Variants in MED17 observed in about 807,000 individuals in gnomAD.
MED17 encodes the protein mediator complex subunit 17, also known as mediator of RNA polymerase II transcription subunit 17.
In MED17, 49 loss-of-function variants were observed where a neutral mutation model predicts 80.8. The observed-to-expected ratio is 0.61, with a 90% CI of 0.48 to 0.77. MED17 has a LOEUF of 0.77. Among genes scored for constraint, MED17 ranks in the 30% least tolerant of loss-of-function variants. MED17 has a pLI of 0.00. For missense variants in MED17, 718 were observed against 787.0 expected, an observed-to-expected ratio of 0.91 and a Z score of 1.05; for synonymous variants, 281 against 280.4, an observed-to-expected ratio of 1.00 and a Z score of -0.02.
At chr11:93,792,507 T>C (rs1202601571) in intron 3 of MED17, among the ~76,000 whole-genome samples, 5 of 152,228 alleles carry the variant, frequency 3.3e-5, no homozygotes, top group Non-Finnish European at 5.9e-5. Context: ...TTTGATCACA[T>C]TGTTTTTAAT....
At chr11:93,808,419 C>A (rs928596488) in intron 10 of MED17, 11 of 147,630 alleles carry the variant, frequency 7.5e-5, no homozygotes, top group African/African-American at 2.7e-4. Context: ...CCCAGCTCTA[C>A]GACAAACTTG....
At position 93,784,534 on chromosome 11, in the gene MED17, G is replaced by T. The variant is rs375233373; in HGVS notation, c.21G>T (p.Val7=). 8.1e-6 allele frequency: 13 copies of T among 1,610,828 alleles called. No homozygotes were observed. Among genetic ancestry groups the T allele is most frequent in the African/African-American group, 5.3e-5 (4 of 74,908 alleles). The part of the protein sequence containing the change: MSGVRA[V]RISIESACEK... ...CCAGCATGTCCGGGGTGCGCGCAGT[G>T]CGGATCAGCATCGAATCGGCCTGCG... The change falls in exon 1 of 12, where the codon GTG becomes GTT. Residue 7 remains valine, a synonymous_variant. Transcript: ENST00000251871.
At chr11:93,808,584 TTC>T (rs1242238163) in intron 10 of MED17, 1 of 147,630 alleles carries the variant, frequency 6.8e-6, no homozygotes, top group Non-Finnish European at 1.5e-5. Context: ...CTATTTTTTT[TTC>T]ACATTAAAAA....
rs1944067441 is a variant in MED17, at chr11:93,809,774, G to A, written c.1642G>A (p.Val548Ile). The A allele has an allele frequency of 1.2e-6, 2 of 1,614,162 alleles. No homozygotes were observed. Among genetic ancestry groups the A allele is most frequent in the African/African-American group, 1.3e-5 (1 of 75,044 alleles). ...QQLAKVMGWQ[V>I]LSFSNHVGLG... ...ACTCGCCAAGGTTATGGGCTGGCAA[G>A]TACTGAGCTTCAGTAATCATGTGGG... The change falls in exon 11 of 12, where the codon GTA (valine) becomes ATA (isoleucine). Residue 548 changes from valine (V) to isoleucine (I), a missense_variant. By Grantham distance (29) the Val-to-Ile change is conservative. Coordinates refer to ENST00000251871, the MANE Select transcript of MED17 (RefSeq NM_004268.5).
In MED17 at chr11:93,784,912, CTT is replaced by C. The variant is rs930304595; in HGVS notation, c.250+153_250+154del. On this transcript the variant is annotated intron_variant, in intron 1 of 11. Transcript: ENST00000251871. ...AAGCGTAAGGATACTTGGTCGTCAT[CTT>C]TTTGTTGCTGCCGGACAAGGTAGGA... The C allele has an allele frequency of 3.5e-6, 4 of 1,153,320 alleles. No individual in the cohort carries two copies. In the African/African-American group the frequency reaches 6.1e-5, roughly 18 times the overall value. 71.4% of individuals were successfully genotyped at this position (1,153,320 alleles called of 1,614,324 possible).
chr11:93,802,195 G>A (rs928717277), intron 9 of MED17, among the ~76,000 whole-genome samples: 7 of 151,706 alleles, frequency 4.6e-5, no homozygotes, highest in Admixed American at 1.3e-4. Flanking sequence ...CTTGAGCTCC[G>A]GGGTTCAAGG....
In MED17 at chr11:93,813,488, C is replaced by T. The variant is rs1944105486; in HGVS notation, c.*1424C>T. On this transcript the variant is annotated 3_prime_UTR_variant, in exon 12 of 12. Transcript: ENST00000251871. ...TGCAAAATTTGCCTTGGTCAATAGGCTAATCTGCACAATTCCACTCACATA... is the reference window on the plus strand; with the variant it reads ...TGCAAAATTTGCCTTGGTCAATAGGTTAATCTGCACAATTCCACTCACATA... 6.6e-6 allele frequency: 1 copy of T among 152,146 alleles called. No individual in the cohort carries two copies. The highest frequency in any genetic ancestry group is 1.5e-5 in the Non-Finnish European group (1 of 68,038). The allele number at this position is 152,146 out of a possible 1,614,324, so 9.4% of individuals were successfully genotyped here. A position where few individuals can be genotyped will look rare whatever the true frequency, so the allele number is the denominator to read the frequency against.
Position 93,803,985 on chromosome 11 carries a change from G to A in MED17, c.1466+2013G>A, listed in dbSNP as rs1255363122. On this transcript the variant is annotated intron_variant, in intron 9 of 11. Transcript: ENST00000251871. ...TATGTGTGTATATGTGTGTGTGTGT[G>A]TATATATGTGTGTGTATATATATAT... Among the ~76,000 whole-genome samples the A allele has an allele frequency of 7.9e-3, 169 of 21,336 alleles. 1 individual carries two copies. Among genetic ancestry groups the A allele is most frequent in the African/African-American group, 0.012 (156 of 12,540 alleles). 14.0% of individuals were successfully genotyped at this position (21,336 alleles called of 152,430 possible).
intron 1 of MED17, 62 bp downstream of exon 1, chr11:93,784,825 C>T (rs1799847181): frequency 1.3e-6 from 2 of 1,527,082 alleles, no homozygotes; most frequent in Non-Finnish European, 1.7e-6. Flanking sequence ...CGCGGGCCTC[C>T]GCCTCTCCCG....
Position 93,793,986 on chromosome 11 carries a change from C to T in MED17, c.810C>T (p.Asp270=). 3.1e-6 allele frequency: 5 copies of T among 1,613,976 alleles called. No individual in the cohort carries two copies. The highest frequency in any genetic ancestry group is 4.2e-6 in the Non-Finnish European group (5 of 1,179,986). The change falls in exon 5 of 12, where the codon GAC becomes GAT. Residue 270 remains aspartate (D), a synonymous_variant. Coordinates refer to ENST00000251871, the MANE Select transcript of MED17 (RefSeq NM_004268.5). ...SIQKQAPDIG[D]LGTVNLFKRP... ...AAAAACAGGCTCCAGATATAGGTGA[C>T]CTCGGCACAGTTAACCTCTTCAAAC... is the stretch of plus-strand genomic sequence containing the variant.
Position 93,812,436 on chromosome 11 carries a change from C to T in MED17, c.*372C>T, listed in dbSNP as rs1944093572. 4.5e-6 allele frequency: 2 copies of T among 442,106 alleles called. No homozygotes were observed. The highest frequency in any genetic ancestry group is 7.8e-6 in the Non-Finnish European group (2 of 255,876). The allele number at this position is 442,106 out of a possible 1,614,324, so 27.4% of individuals were successfully genotyped here. A position where few individuals can be genotyped will look rare whatever the true frequency, so the allele number is the denominator to read the frequency against. ...AAATACCTTTTTTTCCCCCCAAATA[C>T]TTTCTAAACTTTTTTTTTTTGAGAT... is the stretch of plus-strand genomic sequence containing the variant. On this transcript the variant is annotated 3_prime_UTR_variant, in exon 12 of 12. Transcript: ENST00000251871.
rs148491009 is a variant in MED17, at chr11:93,801,943, C to T, written c.1437C>T (p.Ile479=). Residue 479 remains isoleucine (I), a synonymous_variant, in exon 9 of 12, where the codon ATC becomes ATT. Transcript: ENST00000251871. Reference sequence around the variant, plus strand: ...ATGAATCTAGTGTGAAAGTTTTAATCACATCACAAGGCTATGAACAAATAT... The same window carrying T: ...ATGAATCTAGTGTGAAAGTTTTAATTACATCACAAGGCTATGAACAAATAT... ...DVYESSVKVL[I]TSQGYEQICK... 3 of 1,612,278 alleles carry T rather than the reference C, an allele frequency of 1.9e-6. No homozygotes were observed. The highest frequency in any genetic ancestry group is 1.7e-5 in the Admixed American group (1 of 59,952).
Position 93,797,699 on chromosome 11 carries a change from G to C in MED17, c.1308G>C (p.Lys436Asn). The change falls in exon 8 of 12, where the codon AAG (lysine) becomes AAC (asparagine). Residue 436 changes from lysine to asparagine, a missense_variant. Coordinates refer to ENST00000251871, the MANE Select transcript of MED17 (RefSeq NM_004268.5). ...GLLEKIIKQAKHIFLRSRAAA... is the reference protein window; with the variant it reads ...GLLEKIIKQANHIFLRSRAAA... ...TGGAAAAAATAATTAAACAAGCAAAGCATATTTTTCTAAGGAGTAGGTAAG... is the reference window on the plus strand; with the variant it reads ...TGGAAAAAATAATTAAACAAGCAAACCATATTTTTCTAAGGAGTAGGTAAG... The C allele has an allele frequency of 6.2e-7, 1 of 1,613,262 alleles. No individual in the cohort carries two copies. The highest frequency in any genetic ancestry group is 8.5e-7 in the Non-Finnish European group (1 of 1,179,310).
In MED17 at chr11:93,813,649, C is replaced by T. The variant is rs190404289; in HGVS notation, c.*1585C>T. The T allele has an allele frequency of 6.6e-6, 1 of 152,186 alleles. No individual in the cohort carries two copies. The highest frequency in any genetic ancestry group is 2.4e-5 in the African/African-American group (1 of 41,516). 9.4% of individuals were successfully genotyped at this position (152,186 alleles called of 1,614,324 possible). ...TTGGTAAACTAATAAAAATGAATTC[C>T]TAAAATGAAATTTTGAAAAGATACA... is the stretch of plus-strand genomic sequence containing the variant. On this transcript the variant is annotated 3_prime_UTR_variant, in exon 12 of 12. Coordinates refer to ENST00000251871, the MANE Select transcript of MED17 (RefSeq NM_004268.5).
chr11:93,791,642 G>C (rs1943837094), intron 3 of MED17, among the ~76,000 whole-genome samples: 1 of 151,990 alleles, frequency 6.6e-6, no homozygotes, highest in Non-Finnish European at 1.5e-5. Flanking sequence ...GGAGGTCCTG[G>C]CTGCAGTGAG....
intron 11 of MED17, 66 bp downstream of exon 11, chr11:93,809,942 A>C (rs994675567): frequency 6.7e-7 from 1 of 1,500,728 alleles, no homozygotes; most frequent in Non-Finnish European, 9.3e-7. Flanking sequence ...TAGTTTTAAT[A>C]ATTAAATATG....
At chr11:93,786,613 G>T (rs549641893) in intron 1 of MED17, among the ~76,000 whole-genome samples, 49 of 152,042 alleles carry the variant, frequency 3.2e-4, no homozygotes, top group African/African-American at 1.2e-3. Context: ...GACTGTAGGC[G>T]TGCGGCACCA....
intron 2 of MED17, chr11:93,789,006 A>G (rs1197913952): frequency 6.6e-6 from 1 of 152,146 alleles, no homozygotes; most frequent in Admixed American, 6.6e-5. Context: ...TAAACAGTGT[A>G]TTCAATTTTT....
Position 93,809,817 on chromosome 11 carries a change from G to T in MED17, c.1685G>T (p.Ser562Ile), listed in dbSNP as rs369613059. The stretch of plus-strand genomic sequence containing the variant: ...CATGTGGGACTTGGACCTATAGAGA[G>T]CATTGGTAATGCATCTGCCATCACG... ...SNHVGLGPIE[S>I]IGNASAITVA... is the part of the protein sequence containing the mutation. Residue 562 changes from serine (S) to isoleucine (I), a missense_variant, in exon 11 of 12, where the codon AGC becomes ATC. Coordinates refer to ENST00000251871, the MANE Select transcript of MED17 (RefSeq NM_004268.5). 6.2e-7 allele frequency: 1 copy of T among 1,614,074 alleles called. No individual in the cohort carries two copies. Among genetic ancestry groups the T allele is most frequent in the Admixed American group, 1.7e-5 (1 of 60,006 alleles).
Sources: gnomAD v4.1 joint callset for allele counts (sites outside exome capture counted in the v4.1 genomes callset) on GRCh38, gnomAD v4.1.1 for gene constraint, MANE v1.5 for transcripts, NCBI Gene and HGNC (gene_info 2026-07-23, HGNC 2026-07-21) for gene names.